BNC2: variants seen among roughly 807,000 people sequenced by gnomAD.
The protein encoded by BNC2 is zinc finger protein basonuclin-2.
Under a neutral mutation model 76.3 loss-of-function variants are expected in BNC2, and 20 were observed. The ratio of observed to expected loss-of-function variants is 0.26; its 90% CI spans 0.18 to 0.38. The LOEUF (loss-of-function observed/expected upper bound fraction) is 0.38, where lower values mean the gene tolerates loss of function less well. Ranked by LOEUF, BNC2 falls within the 10% of genes least tolerant of loss-of-function variation. BNC2 has a pLI of 1.00. For synonymous variants in BNC2, 582 were observed against 514.8 expected (o/e 1.13, Z -1.77); for missense variants, 1,382 against 1,399.8 (o/e 0.99, Z 0.20).
rs929225976 is a variant in BNC2 at position 16,410,871 on chromosome 9, A to G, written c.*8118T>C. The G allele has an allele frequency of 6.6e-6, 1 of 152,264 alleles. No homozygotes were observed. Among genetic ancestry groups the G allele is most frequent in the African/African-American group, 2.4e-5 (1 of 41,438 alleles). 9.4% of individuals were successfully genotyped at this position (152,264 alleles called of 1,614,324 possible). On this transcript the variant is annotated 3_prime_UTR_variant, in exon 7 of 7. Coordinates refer to ENST00000380672, the MANE Select transcript of BNC2 (RefSeq NM_017637.6). Reference sequence around the variant, plus strand: ...AATTGGGGACTAGATTTAAAAAAAGAAACAGCCTTGGTGTATACATCTCAA... The same window carrying G: ...AATTGGGGACTAGATTTAAAAAAAGGAACAGCCTTGGTGTATACATCTCAA...
At chr9:16,555,327 T>G (rs889765569) in intron 4 of BNC2, among the ~76,000 whole-genome samples, 5 of 150,982 alleles carry the variant, frequency 3.3e-5, no homozygotes, top group Non-Finnish European at 5.9e-5. Flanking sequence ...CCGGCCAAGG[T>G]TGGTTGTTTT....
At position 16,864,886 on chromosome 9, in the gene BNC2, A is replaced by G. The variant is rs537897740; in HGVS notation, c.3+5760T>C. Among the ~76,000 whole-genome samples, 5 of 152,204 alleles carry G rather than the reference A, an allele frequency of 3.3e-5. No individual in the cohort carries two copies. In the East Asian group the frequency reaches 7.7e-4, roughly 24 times the overall value. On this transcript the variant is annotated intron_variant, in intron 1 of 6. Coordinates refer to ENST00000380672, the MANE Select transcript of BNC2 (RefSeq NM_017637.6). ...ATAGGAATAGTTGACAAGAGGTACA[A>G]TAAAGAAGGAGCTTGGTAATCCACA...
At chr9:16,813,417 C>T (rs1360319772) in intron 1 of BNC2, among the ~76,000 whole-genome samples, 1 of 151,924 alleles carries the variant, frequency 6.6e-6, no homozygotes, top group South Asian at 2.1e-4. Flanking sequence ...AGGCGCCCGC[C>T]ACTACGCCCG....
intron 5 of BNC2, among the ~76,000 whole-genome samples, chr9:16,477,327 A>T (rs969832925): frequency 6.6e-6 from 1 of 152,106 alleles, no homozygotes; most frequent in Admixed American, 6.6e-5. Context: ...AGGGTCTAGT[A>T]TTGGCTTTTA....
intron 1 of BNC2, among the ~76,000 whole-genome samples, chr9:16,783,722 C>G (rs1162851416): frequency 6.6e-6 from 1 of 152,154 alleles, no homozygotes; most frequent in African/African-American, 2.4e-5. Context: ...TTCATTTAAA[C>G]CACTATTATA....
intron 1 of BNC2, among the ~76,000 whole-genome samples, chr9:16,870,000 TG>T (rs1819637250): frequency 6.6e-6 from 1 of 152,192 alleles, no homozygotes; most frequent in African/African-American, 2.4e-5. Flanking sequence ...GAGCCGTCTC[TG>T]CAAGGTTGAT....
At chr9:16,440,277 A>G (rs1821099552) in intron 5 of BNC2, among the ~76,000 whole-genome samples, 1 of 152,160 alleles carries the variant, frequency 6.6e-6, no homozygotes, top group Non-Finnish European at 1.5e-5. Flanking sequence ...CACAGTACTC[A>G]GTGGCTGTCA....
At chr9:16,523,586 G>C (rs2132108503) in intron 5 of BNC2, among the ~76,000 whole-genome samples, 1 of 151,558 alleles carries the variant, frequency 6.6e-6, no homozygotes, top group Middle Eastern at 3.4e-3. Context: ...TATGACTAAA[G>C]AGAAGAAAGG....
chr9:16,587,015 CAG>C (rs892040557), intron 3 of BNC2, among the ~76,000 whole-genome samples: 10 of 152,226 alleles, frequency 6.6e-5, no homozygotes, highest in African/African-American at 2.4e-4. Flanking sequence ...CACTGTGCTA[CAG>C]AGTTTACAAA....
intron 4 of BNC2, among the ~76,000 whole-genome samples, chr9:16,579,169 T>C (rs969417830): frequency 3.9e-5 from 6 of 152,158 alleles, no homozygotes; most frequent in African/African-American, 1.4e-4. Context: ...CTTAACTCAA[T>C]AGTGCTAAGG....
chr9:16,842,794 T>G (rs183407152), intron 1 of BNC2, among the ~76,000 whole-genome samples: 47 of 152,328 alleles, frequency 3.1e-4, no homozygotes, highest in African/African-American at 1.1e-3. Flanking sequence ...TCCTTCACTC[T>G]GTGCAGTCTT....
chr9:16,849,328 A>C (rs571922222), intron 1 of BNC2, among the ~76,000 whole-genome samples: 1 of 150,024 alleles, frequency 6.7e-6, no homozygotes, highest in South Asian at 2.1e-4. Flanking sequence ...AATGATTCCT[A>C]GATCTGCAGA....
chr9:16,572,940 A>C (rs1819367087), intron 4 of BNC2, among the ~76,000 whole-genome samples: 1 of 152,100 alleles, frequency 6.6e-6, no homozygotes, highest in Non-Finnish European at 1.5e-5. Flanking sequence ...ATGGAAATAT[A>C]ATTTATGGCC....
At chr9:16,718,810 G>C (rs1009514957) in intron 3 of BNC2, among the ~76,000 whole-genome samples, 2 of 152,138 alleles carry the variant, frequency 1.3e-5, no homozygotes, top group Non-Finnish European at 2.9e-5. Context: ...GAAGTCATTA[G>C]CAAATCCTCA....
At chr9:16,455,134 T>C (rs927481562) in intron 5 of BNC2, among the ~76,000 whole-genome samples, 7 of 152,186 alleles carry the variant, frequency 4.6e-5, no homozygotes, top group African/African-American at 7.2e-5. Context: ...CAATTTCCAA[T>C]TGTGGGCAAA....
intron 1 of BNC2, among the ~76,000 whole-genome samples, chr9:16,780,241 AAAAAAAAAAAAAAAAC>A (rs993325114): frequency 3.9e-5 from 5 of 129,160 alleles, no homozygotes; most frequent in African/African-American, 1.8e-4. Flanking sequence ...GTTTCAAAAA[AAAAAAAAAAAAAAAAC>A]AAAAAAAAAC....
intron 3 of BNC2, among the ~76,000 whole-genome samples, chr9:16,599,044 AAAC>A (rs1438950574): frequency 1.6e-4 from 25 of 152,236 alleles, no homozygotes; most frequent in African/African-American, 5.8e-4. Flanking sequence ...ACCCATATAA[AAAC>A]AACTGAACAT....
At chr9:16,866,681 A>AC (rs1819553213) in intron 1 of BNC2, among the ~76,000 whole-genome samples, 1 of 151,640 alleles carries the variant, frequency 6.6e-6, no homozygotes, top group Non-Finnish European at 1.5e-5. Context: ...AAAAAAAAAA[A>AC]AAAACCATAA....
At chr9:16,726,549 A>G (rs1339839768) in intron 3 of BNC2, among the ~76,000 whole-genome samples, 1 of 101,346 alleles carries the variant, frequency 9.9e-6, no homozygotes, top group Non-Finnish European at 2.0e-5. Context: ...TCTTACAAAC[A>G]AAAGCTTTTT....
Sources: gnomAD v4.1 joint callset for allele counts (sites outside exome capture counted in the v4.1 genomes callset) on GRCh38, gnomAD v4.1.1 for gene constraint, MANE v1.5 for transcripts, NCBI Gene and HGNC (gene_info 2026-07-23, HGNC 2026-07-21) for gene names.